SLFN12L: variants seen among roughly 807,000 people sequenced by gnomAD.
SLFN12L encodes schlafen family member 12-like.
In SLFN12L, 34 loss-of-function variants were observed where a neutral mutation model predicts 34.8. The observed-to-expected ratio is 0.98, with a 90% CI of 0.74 to 1.30. SLFN12L has a LOEUF of 1.30. Among genes scored for constraint, SLFN12L ranks in the 50% most tolerant of loss-of-function variants. SLFN12L has a pLI of 0.00. For missense variants in SLFN12L, 703 were observed against 696.2 expected (o/e 1.01, Z -0.11); for synonymous variants, 259 against 247.5 (o/e 1.05, Z -0.44).
intron 2 of SLFN12L, among the ~76,000 whole-genome samples, chr17:35,496,595 C>T (rs752069004): frequency 6.6e-6 from 1 of 151,036 alleles, no homozygotes; most frequent in East Asian, 2.0e-4. Flanking sequence ...CTGGAAGGAG[C>T]GGGGCGGAAG....
intron 2 of SLFN12L, among the ~76,000 whole-genome samples, chr17:35,489,285 G>A (rs1914736613): frequency 6.6e-6 from 1 of 152,012 alleles, no homozygotes; most frequent in African/African-American, 2.4e-5. Flanking sequence ...CGTGGCAGTG[G>A]CTCACGCCTA....
At chr17:35,482,026 A>AT (rs974437840) in intron 2 of SLFN12L, among the ~76,000 whole-genome samples, 2 of 151,794 alleles carry the variant, frequency 1.3e-5, no homozygotes, top group African/African-American at 4.8e-5. Context: ...TGCCTGCCTA[A>AT]TTTTTTTGTA....
rs1410683794 is a variant in SLFN12L, at chr17:35,477,711, AAGAAAAGAAGTTCAAG to A, written c.1276+348_1276+363del. Among the ~76,000 whole-genome samples, 15 of 152,180 alleles carry A rather than the reference AAGAAAAGAAGTTCAAG, an allele frequency of 9.9e-5. No homozygotes were observed. The East Asian group carries it at 2.1e-3, about 22-fold the overall frequency. The stretch of plus-strand genomic sequence containing the variant: ...CAAATAAATACCGATTTGACTGAGG[AAGAAAAGAAGTTCAAG>A]AGAAAAGAAGTTCAAGTAGAAAGAT... On this transcript the variant is annotated intron_variant, in intron 4 of 4. Coordinates refer to ENST00000628453, the MANE Select transcript of SLFN12L (RefSeq NM_001363830.2).
At chr17:35,519,814 A>T (rs900031403) in intron 2 of SLFN12L, among the ~76,000 whole-genome samples, 2 of 152,206 alleles carry the variant, frequency 1.3e-5, no homozygotes, top group Non-Finnish European at 2.9e-5. Flanking sequence ...TATGAAAAAT[A>T]AAATCCTAAG....
In SLFN12L at chr17:35,498,422, A is replaced by C; in HGVS notation, c.87-18227T>G. The C allele has an allele frequency of 3.1e-6, 4 of 1,300,468 alleles. No homozygotes were observed. The Admixed American group carries it at 6.7e-5, about 22-fold the overall frequency. 80.6% of individuals were successfully genotyped at this position (1,300,468 alleles called of 1,614,324 possible). A position where few individuals can be genotyped will look rare whatever the true frequency, so the allele number is the denominator to read the frequency against. On this transcript the variant is annotated intron_variant, in intron 2 of 4. Transcript: ENST00000628453. ...TCCCTTGCCAGGCAGAGCCCCAGCAATATGAAGTACAGTTTGGACGACTGC... is the reference window on the plus strand; with the variant it reads ...TCCCTTGCCAGGCAGAGCCCCAGCACTATGAAGTACAGTTTGGACGACTGC...
chr17:35,490,117 C>T, intron 2 of SLFN12L: 1 of 1,606,148 alleles, frequency 6.2e-7, no homozygotes, highest in Non-Finnish European at 8.5e-7. Context: ...CGGAGCAGAC[C>T]GCCGGCAACC....
rs2142119103 is a variant in SLFN12L, at chr17:35,470,161, A to C, written c.*4762T>G. On this transcript the variant is annotated 3_prime_UTR_variant, in exon 5 of 5. Transcript: ENST00000628453. ...TATCAGGCATCTGAAGGTTTCACCAAAGTTTATATTTTCCTACTGCAAAAC... is the reference window on the plus strand; with the variant it reads ...TATCAGGCATCTGAAGGTTTCACCACAGTTTATATTTTCCTACTGCAAAAC... 6.6e-6 allele frequency: 1 copy of C among 152,314 alleles called. No individual in the cohort carries two copies. Among genetic ancestry groups the C allele is most frequent in the South Asian group, 2.1e-4 (1 of 4,824 alleles). The allele number at this position is 152,314 out of a possible 1,614,324, so 9.4% of individuals were successfully genotyped here.
intron 2 of SLFN12L, chr17:35,498,163 T>TC: frequency 2.5e-6 from 1 of 401,702 alleles, no homozygotes. Flanking sequence ...CGGAAGCATC[T>TC]CGATCCGGGA....
At chr17:35,494,025 G>A (rs1914944667) in intron 2 of SLFN12L, among the ~76,000 whole-genome samples, 1 of 152,134 alleles carries the variant, frequency 6.6e-6, no homozygotes, top group Non-Finnish European at 1.5e-5. Flanking sequence ...CAACTCGTGT[G>A]TATGAGAAGG....
chr17:35,498,900 C>T, intron 2 of SLFN12L: 1 of 706,424 alleles, frequency 1.4e-6, no homozygotes, highest in Non-Finnish European at 2.6e-6. Flanking sequence ...CCCTGATATG[C>T]CCAGCCCTAT....
intron 1 of SLFN12L, among the ~76,000 whole-genome samples, chr17:35,523,179 G>C (rs190113047): frequency 2.6e-3 from 397 of 152,238 alleles, no homozygotes; most frequent in African/African-American, 9.1e-3. Context: ...TTATGCCTTT[G>C]ACCTAACCTC....
chr17:35,495,308 A>C (rs901490700), intron 2 of SLFN12L, among the ~76,000 whole-genome samples: 2 of 152,192 alleles, frequency 1.3e-5, no homozygotes, highest in African/African-American at 4.8e-5. Flanking sequence ...CTCCTTAAAC[A>C]GCCCTCCCCA....
At chr17:35,487,890 C>A in intron 2 of SLFN12L, 1 of 826,764 alleles carries the variant, frequency 1.2e-6, no homozygotes, top group Non-Finnish European at 2.0e-6. Flanking sequence ...CTGTTATCGA[C>A]TCTGCGCCTT....
rs1337223649 is a variant in SLFN12L, at chr17:35,478,088, T to C, written c.1263A>G (p.Arg421=). ...GAATTAAATTACCTGGAAGGTGATA[T>C]CTCAGTGGCTGAATTTTGAAGTTAA... is the stretch of plus-strand genomic sequence containing the variant. ...EYINFKIQPL[R]YHLPGLSEKI... The change falls in exon 4 of 5, where the codon AGA becomes AGG. Residue 421 remains arginine (R), a synonymous_variant. Coordinates refer to ENST00000628453, the MANE Select transcript of SLFN12L (RefSeq NM_001363830.2). 15 of 1,537,634 alleles carry C rather than the reference T, an allele frequency of 9.8e-6. No individual in the cohort carries two copies. The highest frequency in any genetic ancestry group is 1.3e-5 in the Non-Finnish European group (15 of 1,135,558).
In SLFN12L at chr17:35,479,116, C is replaced by T. The variant is rs1231954130; in HGVS notation, c.1165+1G>A. The T allele has an allele frequency of 6.5e-7, 1 of 1,548,746 alleles. No individual in the cohort carries two copies. Among genetic ancestry groups the T allele is most frequent in the East Asian group, 2.4e-5 (1 of 41,820 alleles). ...CTTATTGCCAATCCTCCTTCCTCAA[C>T]CTGGTTCTGAATCCACCATGAACTG... On this transcript the variant is annotated splice_donor_variant, in intron 3 of 4. Transcript: ENST00000628453. LOFTEE classifies it high-confidence loss of function.
intron 1 of SLFN12L, among the ~76,000 whole-genome samples, chr17:35,530,427 AAGGGAAGGGAAGGGAAG>A (rs1332359877): frequency 1.2e-4 from 2 of 17,066 alleles, no homozygotes; most frequent in African/African-American, 3.4e-4. Flanking sequence ...GGAAGGAAGG[AAGGGAAGGGAAGGGAAG>A]AAAGAAAGAA....
At chr17:35,532,568 C>T (rs921238901) in intron 1 of SLFN12L, among the ~76,000 whole-genome samples, 2 of 152,102 alleles carry the variant, frequency 1.3e-5, no homozygotes, top group Non-Finnish European at 2.9e-5. Context: ...TACCTGGCTC[C>T]GTTGGGATTA....
intron 2 of SLFN12L, among the ~76,000 whole-genome samples, chr17:35,503,702 A>G (rs1915376030): frequency 6.6e-6 from 1 of 152,174 alleles, no homozygotes; most frequent in African/African-American, 2.4e-5. Context: ...TACTTGCTTT[A>G]TCTTCCACTT....
At chr17:35,522,223 G>A in intron 2 of SLFN12L, 56 bp downstream of exon 2, 1 of 1,599,892 alleles carries the variant, frequency 6.3e-7, no homozygotes, top group South Asian at 1.1e-5. Flanking sequence ...TGACTTAGCA[G>A]AGAAAATTAA....
Sources: allele counts gnomAD v4.1 joint callset (sites outside exome capture counted in the v4.1 genomes callset), GRCh38; gene constraint gnomAD v4.1.1; transcripts MANE v1.5; gene names NCBI Gene and HGNC (gene_info 2026-07-23, HGNC 2026-07-21).